Variants in EIF4ENIF1 observed in about 807,000 individuals in gnomAD.
The protein encoded by EIF4ENIF1 is eukaryotic translation initiation factor 4E transporter.
A neutral mutation model predicts 110.5 loss-of-function variants in EIF4ENIF1; 23 were observed. That is an observed-to-expected ratio of 0.21 (90% confidence interval 0.15 to 0.29). The LOEUF is 0.29. Among genes scored for constraint, EIF4ENIF1 ranks in the 10% least tolerant of loss-of-function variants. The pLI is 1.00. For synonymous variants in EIF4ENIF1, 440 were observed against 437.0 expected (o/e 1.01, Z -0.09); for missense variants, 1,031 against 1,221.1 (o/e 0.84, Z 2.32).
intron 2 of EIF4ENIF1, among the ~76,000 whole-genome samples, chr22:31,475,418 A>G (rs977862146): frequency 2.0e-5 from 3 of 152,110 alleles, no homozygotes; most frequent in Admixed American, 1.3e-4. Flanking sequence ...CAGCCTGGGC[A>G]ATATAAGGAG....
Position 31,439,848 on chromosome 22 carries a change from G to A in EIF4ENIF1, c.*32C>T. 6.2e-7 allele frequency: 1 copy of A among 1,606,694 alleles called. No individual in the cohort carries two copies. On this transcript the variant is annotated 3_prime_UTR_variant, in exon 19 of 19. Transcript: ENST00000330125. ...GGGTCCTGCCCAGTGTGCCACCACA[G>A]GTCCGGGCTTAGTTGAGTCTGCCTG...
At position 31,440,049 on chromosome 22, in the gene EIF4ENIF1, C is replaced by T. The variant is rs1331616933; in HGVS notation, c.2789G>A (p.Ser930Asn). 1.2e-6 allele frequency: 2 copies of T among 1,614,012 alleles called. No individual in the cohort carries two copies. The highest frequency in any genetic ancestry group is 1.7e-6 in the Non-Finnish European group (2 of 1,179,932). ...SVQTTPQNVP[S>N]RSGLPHMHSQ... ...GTGCATGTGGGGCAGGCCTGACCGG[C>T]TGGGCACGTTCTGAGGGGTTGTCTG... Residue 930 changes from serine to asparagine, a missense_variant, in exon 19 of 19, where the codon AGC becomes AAC. Around this residue, in one of 3 missense-constraint regions of EIF4ENIF1, gnomAD observed 309 missense variants for 299.1 expected, o/e 1.03. Transcript: ENST00000330125.
At chr22:31,445,366 A>T (rs1461582638) in intron 14 of EIF4ENIF1, among the ~76,000 whole-genome samples, 1 of 152,218 alleles carries the variant, frequency 6.6e-6, no homozygotes. Context: ...CAGGCCTCAA[A>T]GGTCAAGGCC....
At chr22:31,480,885 C>A (rs1311759937) in intron 2 of EIF4ENIF1, among the ~76,000 whole-genome samples, 1 of 151,168 alleles carries the variant, frequency 6.6e-6, no homozygotes, top group African/African-American at 2.4e-5. Context: ...GCCAACATGG[C>A]GAAATCGTCT....
chr22:31,456,429 T>C (rs950384444), intron 7 of EIF4ENIF1, among the ~76,000 whole-genome samples: 54 of 152,094 alleles, frequency 3.6e-4, no homozygotes, highest in Non-Finnish European at 6.9e-4. Flanking sequence ...TTTACCGTGT[T>C]AGCCAGGATG....
chr22:31,465,780 CAACAGA>C (rs1226465354), intron 4 of EIF4ENIF1, among the ~76,000 whole-genome samples: 1 of 152,132 alleles, frequency 6.6e-6, no homozygotes, highest in Non-Finnish European at 1.5e-5. Context: ...AAATGTACAT[CAACAGA>C]TAAACGGATC....
At chr22:31,484,251 C>T (rs1300602815) in intron 2 of EIF4ENIF1, among the ~76,000 whole-genome samples, 1 of 152,164 alleles carries the variant, frequency 6.6e-6, no homozygotes, top group African/African-American at 2.4e-5. Flanking sequence ...GGCATATTAA[C>T]ATTTGCGAAA....
chr22:31,492,592 G>A (rs1019651563), upstream of EIF4ENIF1, among the ~76,000 whole-genome samples: 3 of 152,062 alleles, frequency 2.0e-5, no homozygotes, highest in Non-Finnish European at 4.4e-5. Flanking sequence ...TTATTACCTA[G>A]GAAAAAAGGT....
At chr22:31,481,699 G>C (rs1161294761) in intron 2 of EIF4ENIF1, among the ~76,000 whole-genome samples, 1 of 152,126 alleles carries the variant, frequency 6.6e-6, no homozygotes, top group African/African-American at 2.4e-5. Context: ...ACTCAAGTCA[G>C]TCACTTCAAC....
intron 8 of EIF4ENIF1, 64 bp from the exon 9 acceptor site, chr22:31,455,379 G>A: frequency 1.0e-6 from 1 of 982,422 alleles, no homozygotes; most frequent in Non-Finnish European, 1.4e-6. Flanking sequence ...GCCTTCGACA[G>A]TATTTTTCTT....
intron 4 of EIF4ENIF1, among the ~76,000 whole-genome samples, chr22:31,466,110 T>A (rs986805491): frequency 1.3e-5 from 2 of 152,028 alleles, no homozygotes; most frequent in African/African-American, 4.8e-5. Flanking sequence ...ACCTTGTCTC[T>A]ACTAAAAATA....
chr22:31,486,579 G>C (rs1042589150), intron 2 of EIF4ENIF1, among the ~76,000 whole-genome samples: 2 of 151,810 alleles, frequency 1.3e-5, no homozygotes, highest in African/African-American at 4.8e-5. Context: ...AGGATTTCAA[G>C]ACCAGCCTGG....
At chr22:31,443,315 G>A (rs933632863) in intron 15 of EIF4ENIF1, 12 of 538,470 alleles carry the variant, frequency 2.2e-5, no homozygotes, top group Non-Finnish European at 3.1e-5. Context: ...TGATAATGGG[G>A]ACATGCCTAT....
At chr22:31,456,241 T>C (rs569272033) in intron 7 of EIF4ENIF1, among the ~76,000 whole-genome samples, 1 of 136,070 alleles carries the variant, frequency 7.3e-6, no homozygotes, top group Admixed American at 7.5e-5. Flanking sequence ...TTTTTTTTTT[T>C]GAGACAGAGT....
intron 14 of EIF4ENIF1, among the ~76,000 whole-genome samples, 156 bp from the exon 15 acceptor site, chr22:31,444,846 C>T (rs1470923441): frequency 6.6e-6 from 1 of 152,178 alleles, no homozygotes; most frequent in Non-Finnish European, 1.5e-5. Flanking sequence ...CACAAAAGCA[C>T]ATGCTAAGCT....
chr22:31,439,645 A>G lies in EIF4ENIF1; in HGVS notation c.*235T>C. Reference sequence around the variant, plus strand: ...CATTCACATATCTTACAAAAAAGAAAGACCATTTCCAGGATTGACAACATT... The same window carrying G: ...CATTCACATATCTTACAAAAAAGAAGGACCATTTCCAGGATTGACAACATT... On this transcript the variant is annotated 3_prime_UTR_variant, in exon 19 of 19. Coordinates refer to ENST00000330125, the MANE Select transcript of EIF4ENIF1 (RefSeq NM_019843.4). 1 of 575,902 alleles carries G rather than the reference A, an allele frequency of 1.7e-6. No individual in the cohort carries two copies. The highest frequency in any genetic ancestry group is 2.9e-6 in the Non-Finnish European group (1 of 341,504). 35.7% of individuals were successfully genotyped at this position (575,902 alleles called of 1,614,324 possible).
rs776655909 is a variant in EIF4ENIF1 at position 31,488,765 on chromosome 22, A to C, written c.-27-20T>G. On this transcript the variant is annotated intron_variant, in intron 1 of 18. Transcript: ENST00000330125. ...CTGCACCTGGAAGATAAATCGGCAC[A>C]AAATTGTCACCGAGAACAGTAAGTT... 5 of 1,583,546 alleles carry C rather than the reference A, an allele frequency of 3.2e-6. No homozygotes were observed. In the East Asian group the frequency reaches 9.0e-5, roughly 28 times the overall value.
chr22:31,455,703 A>G, intron 8 of EIF4ENIF1, 149 bp downstream of exon 8: 1 of 1,096,912 alleles, frequency 9.1e-7, no homozygotes, highest in East Asian at 2.4e-5. Flanking sequence ...CGGCCCCTTC[A>G]ACAATATTAA....
At chr22:31,458,830 A>T (rs1315372123) in intron 6 of EIF4ENIF1, among the ~76,000 whole-genome samples, 180 bp from the exon 7 acceptor site, 1 of 152,138 alleles carries the variant, frequency 6.6e-6, no homozygotes, top group Admixed American at 6.6e-5. Flanking sequence ...GCAGAAAAGG[A>T]AAAAAGCCTT....
Sources: allele counts gnomAD v4.1 joint callset (sites outside exome capture counted in the v4.1 genomes callset), GRCh38; gene constraint gnomAD v4.1.1; regional missense constraint gnomAD v4.1.1; transcripts MANE v1.5; gene names NCBI Gene and HGNC (gene_info 2026-07-23, HGNC 2026-07-21).